Variants in CHST10 observed in about 807,000 individuals in gnomAD.
CHST10 encodes the protein HNK-1 sulfotransferase.
CHST10 carries 24 observed loss-of-function variants against 34.7 expected under a neutral mutation model. The ratio of observed to expected loss-of-function variants is 0.69; its 90% CI spans 0.50 to 0.97. The LOEUF is 0.97. Among genes scored for constraint, CHST10 ranks in the 50% least tolerant of loss-of-function variants. The pLI is 0.00. For synonymous variants in CHST10, 161 were observed against 169.3 expected, an observed-to-expected ratio of 0.95 and a Z score of 0.38; for missense variants, 402 against 452.1, an observed-to-expected ratio of 0.89 and a Z score of 1.00.
chr2:100,394,961 C>T (rs1306872305), intron 6 of CHST10, among the ~76,000 whole-genome samples: 2 of 151,946 alleles, frequency 1.3e-5, no homozygotes, highest in Admixed American at 6.6e-5. Flanking sequence ...TCAAATGATC[C>T]GCCCACCTCG....
intron 5 of CHST10, among the ~76,000 whole-genome samples, chr2:100,396,655 C>T (rs984477561): frequency 1.3e-5 from 2 of 152,180 alleles, no homozygotes; most frequent in Non-Finnish European, 2.9e-5. Flanking sequence ...GGGACAATGA[C>T]AGAACCAGCT....
chr2:100,407,519 C>T (rs970031438), intron 2 of CHST10, among the ~76,000 whole-genome samples: 42 of 152,194 alleles, frequency 2.8e-4, no homozygotes, highest in Non-Finnish European at 2.4e-4. Flanking sequence ...TGGCTTCCAC[C>T]GACTGACTGA....
At chr2:100,397,058 A>G (rs1675094597) in intron 5 of CHST10, among the ~76,000 whole-genome samples, 1 of 152,192 alleles carries the variant, frequency 6.6e-6, no homozygotes, top group South Asian at 2.1e-4. Flanking sequence ...CTCTGTGGGC[A>G]GCATCAGGAG....
At chr2:100,415,141 ATTATT>A in intron 1 of CHST10, 30 bp from the exon 2 acceptor site, 5 of 1,222,840 alleles carry the variant, frequency 4.1e-6, no homozygotes, top group Non-Finnish European at 5.4e-6. Context: ...AAAAAAAAGC[ATTATT>A]AAAAGTTACA....
rs141935092 is a variant in CHST10 at position 100,402,466 on chromosome 2, C to T, written c.192+98G>A. 78 of 879,652 alleles carry T rather than the reference C, an allele frequency of 8.9e-5. No individual in the cohort carries two copies. The East Asian group carries it at 1.3e-3, about 14-fold the overall frequency. The allele number at this position is 879,652 out of a possible 1,614,324, so 54.5% of individuals were successfully genotyped here. On this transcript the variant is annotated intron_variant, in intron 4 of 6. Transcript: ENST00000264249. Reference sequence around the variant, plus strand: ...ACACAGGAAAAGGCTCTAACGCAGACGTGATGACAAGCGGAACCAGCCACA... The same window carrying T: ...ACACAGGAAAAGGCTCTAACGCAGATGTGATGACAAGCGGAACCAGCCACA...
chr2:100,412,111 T>C (rs1050495250), intron 2 of CHST10, among the ~76,000 whole-genome samples: 9 of 152,096 alleles, frequency 5.9e-5, no homozygotes, highest in Non-Finnish European at 8.8e-5. Context: ...TTTGAAACAG[T>C]TTCTTCAGCA....
chr2:100,415,001 T>A, intron 2 of CHST10, 40 bp downstream of exon 2: 1 of 1,256,770 alleles, frequency 8.0e-7, no homozygotes. Context: ...CTGAATGGCA[T>A]GCTCAAATAA....
intron 3 of CHST10, among the ~76,000 whole-genome samples, chr2:100,403,054 C>A (rs1362839502): frequency 6.6e-6 from 1 of 152,210 alleles, no homozygotes; most frequent in African/African-American, 2.4e-5. Flanking sequence ...TGACCAAGGA[C>A]TCCTATCTAA....
Position 100,411,783 on chromosome 2 carries a change from G to A in CHST10, c.-33+3258C>T, listed in dbSNP as rs1162556514. Reference sequence around the variant, plus strand: ...CACACGAAGGAAAGAAGCTATCTGAGGAGTGGTACTTGATGGTGTGAGAGG... The same window carrying A: ...CACACGAAGGAAAGAAGCTATCTGAAGAGTGGTACTTGATGGTGTGAGAGG... On this transcript the variant is annotated intron_variant, in intron 2 of 6. Transcript: ENST00000264249. Among the ~76,000 whole-genome samples the A allele has an allele frequency of 2.0e-5, 3 of 152,334 alleles. No homozygotes were observed. The East Asian group carries it at 5.8e-4, about 29-fold the overall frequency.
At chr2:100,410,074 A>G (rs1237709611) in intron 2 of CHST10, among the ~76,000 whole-genome samples, 3 of 152,178 alleles carry the variant, frequency 2.0e-5, no homozygotes, top group Non-Finnish European at 2.9e-5. Flanking sequence ...GAAGAGCATT[A>G]CACCCCAGGC....
intron 6 of CHST10, among the ~76,000 whole-genome samples, chr2:100,394,438 G>A (rs530971267): frequency 1.2e-4 from 18 of 152,168 alleles, no homozygotes; most frequent in Admixed American, 2.6e-4. Context: ...GTGCTTTGCC[G>A]TGTCTTCACT....
rs780834538 is a variant in CHST10 at position 100,398,029 on chromosome 2, G to A, written c.306C>T (p.His102=). 17 of 1,614,090 alleles carry A rather than the reference G, an allele frequency of 1.1e-5. No individual in the cohort carries two copies. The South Asian group carries it at 1.8e-4, about 17-fold the overall frequency. Residue 102 remains histidine (H), a synonymous_variant, in exon 5 of 7, where the codon CAC becomes CAT. Coordinates refer to ENST00000264249, the MANE Select transcript of CHST10 (RefSeq NM_004854.5). ...CRDDALKNLS[H]TPVSKFVLDR... ...CCAGGACAAACTTGGAGACAGGAGT[G>A]TGCGAGAGATTCTTCAGGGCATCAT...
chr2:100,408,229 T>C (rs1484879498), intron 2 of CHST10: 1 of 151,134 alleles, frequency 6.6e-6, no homozygotes, highest in Non-Finnish European at 1.5e-5. Context: ...TTTAACCGAG[T>C]GTACTGTAGT....
At position 100,395,499 on chromosome 2, in the gene CHST10, C is replaced by G. The variant is rs753005333; in HGVS notation, c.533+10G>C. On this transcript the variant is annotated intron_variant, in intron 6 of 6. Coordinates refer to ENST00000264249, the MANE Select transcript of CHST10 (RefSeq NM_004854.5). ...AACTCCCCCCTCCCCTTTGAGGAAG[C>G]TGTTCTCACCGCTTCTGAATTTCTG... is the stretch of plus-strand genomic sequence containing the variant. 6.2e-7 allele frequency: 1 copy of G among 1,609,772 alleles called. No individual in the cohort carries two copies. The highest frequency in any genetic ancestry group is 8.5e-7 in the Non-Finnish European group (1 of 1,176,456).
At position 100,392,304 on chromosome 2, in the gene CHST10, C is replaced by T. The variant is rs1321414666; in HGVS notation, c.*941G>A. ...GTGATGCTGGCAGGTTGCCCCTGCTCGTCTTCAGCCCCAACATGGGAGCTC... is the reference window on the plus strand; with the variant it reads ...GTGATGCTGGCAGGTTGCCCCTGCTTGTCTTCAGCCCCAACATGGGAGCTC... On this transcript the variant is annotated 3_prime_UTR_variant, in exon 7 of 7. Transcript: ENST00000264249. The T allele has an allele frequency of 6.6e-6, 1 of 152,538 alleles. No homozygotes were observed. The highest frequency in any genetic ancestry group is 2.4e-5 in the African/African-American group (1 of 41,446). 9.4% of individuals were successfully genotyped at this position (152,538 alleles called of 1,614,324 possible).
chr2:100,416,897 C>T, intron 1 of CHST10: 1 of 1,164,016 alleles, frequency 8.6e-7, no homozygotes, highest in Non-Finnish European at 1.2e-6. Flanking sequence ...CAACTTCGGA[C>T]AGGCCTCCTG....
chr2:100,415,072 T>C lies in CHST10; in HGVS notation c.-64A>G. On this transcript the variant is annotated 5_prime_UTR_variant, in exon 2 of 7. Coordinates refer to ENST00000264249, the MANE Select transcript of CHST10 (RefSeq NM_004854.5). The stretch of plus-strand genomic sequence containing the variant: ...CAGCCTGGGGCTCACATTTCCTTGC[T>C]GTGTTTCCCCTGAACTGAGGTTCTT... The C allele has an allele frequency of 7.7e-7, 1 of 1,303,576 alleles. No homozygotes were observed. The highest frequency in any genetic ancestry group is 1.0e-6 in the Non-Finnish European group (1 of 988,536). The allele number at this position is 1,303,576 out of a possible 1,614,324, so 80.8% of individuals were successfully genotyped here.
rs370382507 is a variant in CHST10 at position 100,397,538 on chromosome 2, T to C, written c.427+370A>G. ...TGACCGTGAGGCTTCCTGGTGGCTC[T>C]GCGAGTGTGGGGCCCTGGGGATGTC... On this transcript the variant is annotated intron_variant, in intron 5 of 6. Coordinates refer to ENST00000264249, the MANE Select transcript of CHST10 (RefSeq NM_004854.5). Among the ~76,000 whole-genome samples the C allele has an allele frequency of 2.6e-5, 4 of 152,280 alleles. No homozygotes were observed. The South Asian group carries it at 6.2e-4, about 24-fold the overall frequency.
Position 100,392,040 on chromosome 2 carries a change from C to G in CHST10, c.*1205G>C, listed in dbSNP as rs1177579928. 1 of 152,780 alleles carries G rather than the reference C, an allele frequency of 6.5e-6. No homozygotes were observed. Among genetic ancestry groups the G allele is most frequent in the Non-Finnish European group, 1.5e-5 (1 of 68,170 alleles). 9.5% of individuals were successfully genotyped at this position (152,780 alleles called of 1,614,324 possible). On this transcript the variant is annotated 3_prime_UTR_variant, in exon 7 of 7. Coordinates refer to ENST00000264249, the MANE Select transcript of CHST10 (RefSeq NM_004854.5). ...GGAAACTGTCCCAGTTCTCAGCGGTCCTGGCTGTGGACGGTATCTGAAATG... is the reference window on the plus strand; with the variant it reads ...GGAAACTGTCCCAGTTCTCAGCGGTGCTGGCTGTGGACGGTATCTGAAATG...
Sources: gnomAD v4.1 joint callset for allele counts (sites outside exome capture counted in the v4.1 genomes callset) on GRCh38, gnomAD v4.1.1 for gene constraint, MANE v1.5 for transcripts, NCBI Gene and HGNC (gene_info 2026-07-23, HGNC 2026-07-21) for gene names.